Variants in MGAT4A observed in about 807,000 individuals in gnomAD.
The protein encoded by MGAT4A is N-acetylglucosaminyltransferase IVa.
MGAT4A carries 33 observed loss-of-function variants against 74.1 expected under a neutral mutation model. The ratio of observed to expected loss-of-function variants is 0.45; its 90% CI spans 0.34 to 0.60. MGAT4A has a LOEUF of 0.60. MGAT4A is among the 20% of genes least tolerant of loss of function. The pLI is 0.02. For missense variants in MGAT4A, 479 were observed against 628.3 expected, an observed-to-expected ratio of 0.76 and a Z score of 2.54; for synonymous variants, 198 against 210.4, an observed-to-expected ratio of 0.94 and a Z score of 0.51.
chr2:98,653,163 CCATA>C (rs1701606443), intron 8 of MGAT4A, among the ~76,000 whole-genome samples: 1 of 142,858 alleles, frequency 7.0e-6, no homozygotes, highest in Non-Finnish European at 1.5e-5. Flanking sequence ...ATAGCAAAAG[CCATA>C]CAAAGAGGGA....
intron 10 of MGAT4A, among the ~76,000 whole-genome samples, chr2:98,643,020 T>C (rs1368771140): frequency 6.6e-6 from 1 of 152,222 alleles, no homozygotes; most frequent in Non-Finnish European, 1.5e-5. Flanking sequence ...TATAATGACA[T>C]GTTCTTACAG....
chr2:98,715,042 G>A (rs900314985), intron 2 of MGAT4A, among the ~76,000 whole-genome samples: 6 of 152,146 alleles, frequency 3.9e-5, no homozygotes, highest in African/African-American at 1.2e-4. Flanking sequence ...AGGGCTGGGC[G>A]TGGTGACTCA....
chr2:98,658,389 AATTT>A (rs1379253978), intron 5 of MGAT4A, 125 bp from the exon 6 acceptor site: 1 of 578,306 alleles, frequency 1.7e-6, no homozygotes. Flanking sequence ...ATTTTTAGAC[AATTT>A]ATTAAATTTG....
Position 98,625,592 on chromosome 2 carries a change from T to C in MGAT4A, c.1582A>G (p.Ile528Val), listed in dbSNP as rs764846307. The C allele has an allele frequency of 2.5e-6, 4 of 1,606,896 alleles. No homozygotes were observed. The South Asian group carries it at 4.5e-5, about 18-fold the overall frequency. The stretch of plus-strand genomic sequence containing the variant: ...CAGTTGGTGGCTTTTTTAATATGAA[T>C]CTGAAATACAAAATCATAAAAGGTA... ...NSAVWAILNE[I>V]HIKKATN The change falls in exon 16 of 16, where the codon ATT becomes GTT. Residue 528 changes from isoleucine (I) to valine (V), a missense_variant and splice_region_variant. By Grantham distance (29) the Ile-to-Val change is conservative. This residue lies in a region of MGAT4A where 236 missense variants were observed against 308.2 expected (regional missense o/e 0.77). Coordinates refer to ENST00000393487, the MANE Select transcript of MGAT4A (RefSeq NM_012214.3).
rs550018176 is a variant in MGAT4A at position 98,702,701 on chromosome 2, A to C, written c.94+23538T>G. Among the ~76,000 whole-genome samples, 4 of 152,338 alleles carry C rather than the reference A, an allele frequency of 2.6e-5. No individual in the cohort carries two copies. The East Asian group carries it at 7.7e-4, about 29-fold the overall frequency. ...GAGCCCTACCGGCTCGAGGTGTTTG[A>C]CTACAAGCACTGACCAATCTTTACT... is the stretch of plus-strand genomic sequence containing the variant. On this transcript the variant is annotated intron_variant, in intron 2 of 15. Transcript: ENST00000393487.
intron 2 of MGAT4A, among the ~76,000 whole-genome samples, chr2:98,706,687 T>C (rs539925512): frequency 6.6e-6 from 1 of 151,606 alleles, no homozygotes; most frequent in African/African-American, 2.4e-5. Context: ...CTGCTATCTG[T>C]GTAAATTTTT....
At chr2:98,660,916 T>C (rs1701739683) in intron 5 of MGAT4A, among the ~76,000 whole-genome samples, 2 of 152,232 alleles carry the variant, frequency 1.3e-5, no homozygotes, top group South Asian at 4.1e-4. Context: ...AATAGACAAA[T>C]AGGATCACAT....
At chr2:98,690,975 C>A (rs1019681014) in intron 2 of MGAT4A, among the ~76,000 whole-genome samples, 20 of 152,046 alleles carry the variant, frequency 1.3e-4, no homozygotes, top group Non-Finnish European at 1.5e-5. Context: ...ATTAACAGAG[C>A]CTCAGGGACG....
chr2:98,695,479 G>A, intron 2 of MGAT4A: 1 of 186,390 alleles, frequency 5.4e-6, no homozygotes. Flanking sequence ...TGCAGCAGAA[G>A]GGGCTGAACA....
At position 98,622,659 on chromosome 2, in the gene MGAT4A, A is replaced by G; in HGVS notation, c.*2907T>C. On this transcript the variant is annotated 3_prime_UTR_variant, in exon 16 of 16. Transcript: ENST00000393487. ...TAGTTGAGTGCAGAACTGGGCAGAAAGGAGGGAGTAACTAACAGTGAGAGG... is the reference window on the plus strand; with the variant it reads ...TAGTTGAGTGCAGAACTGGGCAGAAGGGAGGGAGTAACTAACAGTGAGAGG... 1 of 985,626 alleles carries G rather than the reference A, an allele frequency of 1.0e-6. No individual in the cohort carries two copies. The highest frequency in any genetic ancestry group is 4.7e-5 in the South Asian group (1 of 21,288). 61.1% of individuals were successfully genotyped at this position (985,626 alleles called of 1,614,324 possible).
chr2:98,668,302 C>T (rs1701865788), intron 4 of MGAT4A, among the ~76,000 whole-genome samples: 1 of 152,154 alleles, frequency 6.6e-6, no homozygotes, highest in East Asian at 1.9e-4. Flanking sequence ...AGTCTAGGGA[C>T]TTGGTGACCT....
intron 12 of MGAT4A, among the ~76,000 whole-genome samples, chr2:98,639,305 T>C (rs1002228719): frequency 6.7e-6 from 1 of 150,012 alleles, no homozygotes; most frequent in African/African-American, 2.4e-5. Context: ...AGGAAGAAAG[T>C]CCTAAATTTT....
At chr2:98,713,233 A>C (rs969386143) in intron 2 of MGAT4A, among the ~76,000 whole-genome samples, 16 of 151,644 alleles carry the variant, frequency 1.1e-4, no homozygotes, top group African/African-American at 3.4e-4. Flanking sequence ...AGGTTTTGAA[A>C]AGTAAATATT....
Position 98,621,576 on chromosome 2 carries a change from A to C in MGAT4A, c.*3990T>G. 2 of 1,545,918 alleles carry C rather than the reference A, an allele frequency of 1.3e-6. No individual in the cohort carries two copies. Among genetic ancestry groups the C allele is most frequent in the South Asian group, 2.4e-5 (2 of 83,402 alleles). Reference sequence around the variant, plus strand: ...TTCCTTTTGCTACATAACATGATATAATCATGGATCAAACAGGTTCCACCC... The same window carrying C: ...TTCCTTTTGCTACATAACATGATATCATCATGGATCAAACAGGTTCCACCC... On this transcript the variant is annotated 3_prime_UTR_variant, in exon 16 of 16. Coordinates refer to ENST00000393487, the MANE Select transcript of MGAT4A (RefSeq NM_012214.3).
At chr2:98,634,530 A>G (rs1701288810) in intron 14 of MGAT4A, among the ~76,000 whole-genome samples, 2 of 151,726 alleles carry the variant, frequency 1.3e-5, no homozygotes, top group Admixed American at 1.3e-4. Context: ...TACATTTCAG[A>G]AAAGTAACTG....
chr2:98,680,038 GGC>G (rs1702037505), intron 2 of MGAT4A, among the ~76,000 whole-genome samples: 2 of 125,094 alleles, frequency 1.6e-5, no homozygotes, highest in Non-Finnish European at 3.7e-5. Flanking sequence ...ACCTTAGAAA[GGC>G]TTTTTTTTTT....
chr2:98,693,621 T>C (rs533456796), intron 2 of MGAT4A, among the ~76,000 whole-genome samples: 4 of 151,452 alleles, frequency 2.6e-5, no homozygotes, highest in Admixed American at 6.6e-5. Flanking sequence ...GGTGGGAAAA[T>C]TGCTTGAGCC....
At chr2:98,667,705 G>T (rs942850981) in intron 4 of MGAT4A, among the ~76,000 whole-genome samples, 3 of 151,088 alleles carry the variant, frequency 2.0e-5, no homozygotes, top group African/African-American at 7.3e-5. Context: ...TTTTGTTGTT[G>T]TTGTTGTTGT....
Position 98,636,577 on chromosome 2 carries a change from G to A in MGAT4A, c.1341C>T (p.Gly447=), listed in dbSNP as rs1254413682. The change falls in exon 13 of 16, where the codon GGC becomes GGT. Residue 447 remains glycine (G), a synonymous_variant. Transcript: ENST00000393487. ...GAATATCTCCAGGATGTTCTTGGTT[G>A]CCGCTATGGAACAAATAACTGAAAA... The part of the protein sequence containing the change: ...VNVESYLFHS[G]NQEHPGDILL... The A allele has an allele frequency of 6.2e-7, 1 of 1,613,678 alleles. No individual in the cohort carries two copies. The highest frequency in any genetic ancestry group is 8.5e-7 in the Non-Finnish European group (1 of 1,179,648).
Sources: gnomAD v4.1 joint callset for allele counts (sites outside exome capture counted in the v4.1 genomes callset) on GRCh38, gnomAD v4.1.1 for gene constraint, gnomAD v4.1.1 regional missense constraint, MANE v1.5 for transcripts, NCBI Gene and HGNC (gene_info 2026-07-23, HGNC 2026-07-21) for gene names.